Variants in EFHC2 observed in about 807,000 individuals in gnomAD.
EFHC2 encodes the protein EF-hand domain containing 2, also known as EF-hand domain-containing family member C2.
EFHC2 carries 18 observed loss-of-function variants against 52.7 expected under a neutral mutation model. That is an observed-to-expected ratio of 0.34 (90% confidence interval 0.24 to 0.51). The LOEUF is 0.51. Ranked by LOEUF, EFHC2 falls within the 20% of genes least tolerant of loss-of-function variation. The pLI is 0.97. For synonymous variants in EFHC2, 203 were observed against 204.1 expected (o/e 0.99, Z 0.04); for missense variants, 513 against 562.5 (o/e 0.91, Z 0.89).
intron 6 of EFHC2, 26 bp from the exon 7 acceptor site, chrX:44,248,436 T>C: frequency 2.5e-6 from 3 of 1,185,166 alleles, no homozygotes; most frequent in African/African-American, 1.8e-5. Context: ...GAACATAGCA[T>C]TGGCACCATG....
At chrX:44,277,493 T>A (rs1238643622) in intron 2 of EFHC2, among the ~76,000 whole-genome samples, 1 of 111,434 alleles carries the variant, frequency 9.0e-6, no homozygotes, top group East Asian at 2.8e-4. Flanking sequence ...TATATGTTAG[T>A]AGACAAGAAA....
At chrX:44,158,630 C>T (rs920605591) in intron 14 of EFHC2, among the ~76,000 whole-genome samples, 7 of 111,105 alleles carry the variant, frequency 6.3e-5, no homozygotes, top group African/African-American at 2.0e-4. Context: ...ACTCCCCAAA[C>T]GTTGGCAATC....
chrX:44,329,716 C>T (rs1449324328), intron 1 of EFHC2, among the ~76,000 whole-genome samples: 1 of 109,184 alleles, frequency 9.2e-6, no homozygotes, highest in Non-Finnish European at 1.9e-5. Context: ...CATCCTCCCA[C>T]TTCAGCCTCC....
At chrX:44,317,700 C>T (rs1423010956) in intron 1 of EFHC2, among the ~76,000 whole-genome samples, 8 of 113,107 alleles carry the variant, frequency 7.1e-5, no homozygotes, top group South Asian at 7.2e-4. Flanking sequence ...GTGAAAGGAG[C>T]GCTTGCGCTC....
chrX:44,199,420 G>A (rs937723654), intron 11 of EFHC2, among the ~76,000 whole-genome samples: 1 of 112,046 alleles, frequency 8.9e-6, no homozygotes, highest in African/African-American at 3.2e-5. Flanking sequence ...CCCAGCCTCA[G>A]GTATTCCTTT....
intron 3 of EFHC2, among the ~76,000 whole-genome samples, chrX:44,270,192 A>G (rs1341748711): frequency 8.9e-6 from 1 of 111,957 alleles, no homozygotes; most frequent in African/African-American, 3.3e-5. Flanking sequence ...ACAGTGCCTG[A>G]CACAGAATAG....
Position 44,312,715 on chromosome X carries a change from A to G in EFHC2, c.84T>C (p.Phe28=), listed in dbSNP as rs761164105. ...TCACCAACATCATAACATTGTTGCA[A>G]AAGCCCCAATGTTGGGATTTGTGAA... ...EKFHKSQHWG[F]CNNVMMLVSD... The change falls in exon 2 of 15, where the codon TTT becomes TTC. Residue 28 remains phenylalanine (F), a synonymous_variant. Coordinates refer to ENST00000420999, the MANE Select transcript of EFHC2 (RefSeq NM_025184.4). The G allele has an allele frequency of 1.7e-6, 2 of 1,207,424 alleles. No individual in the cohort carries two copies. Among genetic ancestry groups the G allele is most frequent in the Non-Finnish European group, 2.2e-6 (2 of 893,717 alleles).
chrX:44,281,362 C>A (rs1337361418), intron 2 of EFHC2, among the ~76,000 whole-genome samples: 1 of 111,844 alleles, frequency 8.9e-6, no homozygotes, highest in Admixed American at 9.5e-5. Flanking sequence ...AGTACAATAC[C>A]ACAGTAACAA....
Position 44,312,685 on chromosome X carries a change from A to G in EFHC2, c.114T>C (p.Asp38=), listed in dbSNP as rs1247703818. The change falls in exon 2 of 15, where the codon GAT becomes GAC. Residue 38 remains aspartate, a synonymous_variant. Coordinates refer to ENST00000420999, the MANE Select transcript of EFHC2 (RefSeq NM_025184.4). ...GTTCTCCACCTATTCCAGGCTTTTC[A>G]TCACTCACCAACATCATAACATTGT... is the stretch of plus-strand genomic sequence containing the variant. ...FCNNVMMLVS[D]EKPGIGGEPL... is the part of the protein sequence containing the mutation. The G allele has an allele frequency of 8.3e-7, 1 of 1,209,670 alleles. No individual in the cohort carries two copies.
intron 11 of EFHC2, among the ~76,000 whole-genome samples, chrX:44,198,827 T>C (rs923939509): frequency 9.0e-6 from 1 of 111,440 alleles, no homozygotes; most frequent in African/African-American, 3.3e-5. Flanking sequence ...ACATTAAACC[T>C]ATGCATAAAG....
intron 3 of EFHC2, among the ~76,000 whole-genome samples, chrX:44,266,791 A>G (rs1220806650): frequency 9.0e-6 from 1 of 111,705 alleles, no homozygotes; most frequent in Non-Finnish European, 1.9e-5. Context: ...TATAATACCT[A>G]TATATAGTAC....
At chrX:44,182,045 A>G (rs953795255) in intron 11 of EFHC2, among the ~76,000 whole-genome samples, 12 of 111,693 alleles carry the variant, frequency 1.1e-4, no homozygotes, top group African/African-American at 3.9e-4. Context: ...CATCACCCCA[A>G]AGAAAGCTCA....
At chrX:44,317,194 T>G (rs892203518) in intron 1 of EFHC2, among the ~76,000 whole-genome samples, 48 of 111,559 alleles carry the variant, frequency 4.3e-4, no homozygotes, top group African/African-American at 1.6e-3. Context: ...TAATGATTGG[T>G]CAGCTCCTTA....
At chrX:44,320,832 A>G (rs1398169382) in intron 1 of EFHC2, among the ~76,000 whole-genome samples, 1 of 108,993 alleles carries the variant, frequency 9.2e-6, no homozygotes, top group Non-Finnish European at 1.9e-5. Context: ...TTATCATACA[A>G]CCTCCCCTGT....
At chrX:44,164,441 T>C (rs191428953) in intron 13 of EFHC2, among the ~76,000 whole-genome samples, 1 of 112,589 alleles carries the variant, frequency 8.9e-6, no homozygotes, top group Admixed American at 9.4e-5. Context: ...ACCTTTTAAA[T>C]CTTTAAGGCA....
chrX:44,189,875 C>T (rs965861205), intron 11 of EFHC2, among the ~76,000 whole-genome samples: 4 of 110,840 alleles, frequency 3.6e-5, no homozygotes, highest in African/African-American at 9.9e-5. Context: ...TCTCTATATG[C>T]TCTATTAACC....
chrX:44,313,143 C>G (rs1235965703), intron 1 of EFHC2, among the ~76,000 whole-genome samples: 2 of 109,464 alleles, frequency 1.8e-5, no homozygotes, highest in Admixed American at 9.7e-5. Flanking sequence ...TGCTCTGCTT[C>G]AGAATAAAAA....
intron 11 of EFHC2, among the ~76,000 whole-genome samples, chrX:44,184,021 T>C (rs762869402): frequency 6.2e-5 from 7 of 112,299 alleles, no homozygotes; most frequent in African/African-American, 1.9e-4. Flanking sequence ...ACAAGACCAC[T>C]TGTGAAATAG....
chrX:44,277,055 C>A (rs898649033), intron 2 of EFHC2, among the ~76,000 whole-genome samples: 4 of 110,245 alleles, frequency 3.6e-5, no homozygotes, highest in Non-Finnish European at 7.6e-5. Context: ...GTCAGGAGAT[C>A]GAGACCATCC....
Sources: gnomAD v4.1 joint callset for allele counts (sites outside exome capture counted in the v4.1 genomes callset) on GRCh38, gnomAD v4.1.1 for gene constraint, MANE v1.5 for transcripts, NCBI Gene and HGNC (gene_info 2026-07-23, HGNC 2026-07-21) for gene names.